Variants in BMPR1B observed in about 807,000 individuals in gnomAD.
BMPR1B encodes bone morphogenetic protein receptor type 1B, also known as bone morphogenetic protein receptor type-1B.
BMPR1B carries 12 observed loss-of-function variants against 59.1 expected under a neutral mutation model. That is an observed-to-expected ratio of 0.20 (90% CI 0.13 to 0.33). The LOEUF (loss-of-function observed/expected upper bound fraction) is 0.33, where lower values mean the gene tolerates loss of function less well. Ranked by LOEUF, BMPR1B falls within the 10% of genes least tolerant of loss-of-function variation. BMPR1B has a pLI of 1.00. For missense variants in BMPR1B, 550 were observed against 610.9 expected (o/e 0.90, Z 1.05); for synonymous variants, 237 against 207.3 (o/e 1.14, Z -1.23).
intron 1 of BMPR1B, among the ~76,000 whole-genome samples, chr4:94,781,169 G>T (rs932998828): frequency 2.0e-5 from 3 of 152,066 alleles, no homozygotes; most frequent in African/African-American, 7.2e-5. Context: ...TCAAGAAATT[G>T]AGTTATTTAT....
chr4:94,896,200 C>T lies in BMPR1B; in HGVS notation c.-113+20300C>T, dbSNP rs532939740. 2.2e-3 allele frequency among the ~76,000 whole-genome samples: 331 copies of T among 151,948 alleles called. 2 individuals carry two copies. Among genetic ancestry groups the T allele is most frequent in the African/African-American group, 7.7e-3 (321 of 41,482 alleles). On this transcript the variant is annotated intron_variant, in intron 2 of 12. Coordinates refer to ENST00000515059, the MANE Select transcript of BMPR1B (RefSeq NM_001203.3). ...TTTAGGAGTTTGAAAAAAGTTTATCCTCTTGTTGCTTTGTTGAAGTTGATG... is the reference window on the plus strand; with the variant it reads ...TTTAGGAGTTTGAAAAAAGTTTATCTTCTTGTTGCTTTGTTGAAGTTGATG...
At chr4:94,905,075 C>A (rs1727986544) in intron 2 of BMPR1B, among the ~76,000 whole-genome samples, 1 of 151,946 alleles carries the variant, frequency 6.6e-6, no homozygotes, top group Admixed American at 6.6e-5. Flanking sequence ...TCATTTAAGT[C>A]ATATTCTGTT....
chr4:95,093,820 A>G (rs1730176287), intron 3 of BMPR1B, among the ~76,000 whole-genome samples: 1 of 152,064 alleles, frequency 6.6e-6, no homozygotes, highest in Non-Finnish European at 1.5e-5. Flanking sequence ...TGGTTTCTAG[A>G]AAGAGCCAGC....
chr4:94,954,099 T>C (rs951364051), intron 2 of BMPR1B, among the ~76,000 whole-genome samples: 40 of 152,288 alleles, frequency 2.6e-4, no homozygotes, highest in African/African-American at 8.7e-4. Context: ...TGTGCTATGT[T>C]TTTCAGCTCC....
chr4:94,900,716 T>G (rs1727778242), intron 2 of BMPR1B, among the ~76,000 whole-genome samples: 1 of 152,042 alleles, frequency 6.6e-6, no homozygotes, highest in Admixed American at 6.6e-5. Context: ...GCAATTTGAT[T>G]ACTTTTTAGG....
intron 3 of BMPR1B, among the ~76,000 whole-genome samples, chr4:95,079,617 G>T (rs1728970434): frequency 6.6e-6 from 1 of 151,926 alleles, no homozygotes; most frequent in Non-Finnish European, 1.5e-5. Context: ...TCTCTAGCAT[G>T]TAAGAAAAAC....
intron 2 of BMPR1B, among the ~76,000 whole-genome samples, chr4:94,896,283 A>C (rs184006693): frequency 6.6e-6 from 1 of 152,140 alleles, no homozygotes; most frequent in East Asian, 1.9e-4. Context: ...CCAAGAGTAC[A>C]TTATTTTTGA....
intron 1 of BMPR1B, among the ~76,000 whole-genome samples, chr4:94,802,452 G>C (rs1326271025): frequency 1.3e-5 from 2 of 152,172 alleles, no homozygotes; most frequent in Non-Finnish European, 2.9e-5. Flanking sequence ...TCTTTGTCCA[G>C]GGAGGTCAAT....
intron 1 of BMPR1B, among the ~76,000 whole-genome samples, chr4:94,764,535 G>A (rs2110560260): frequency 6.6e-6 from 1 of 152,174 alleles, no homozygotes; most frequent in Admixed American, 6.5e-5. Flanking sequence ...AATTCCCTCA[G>A]CTTATCAGGA....
At chr4:94,989,464 T>C (rs974623091) in intron 2 of BMPR1B, among the ~76,000 whole-genome samples, 9 of 152,042 alleles carry the variant, frequency 5.9e-5, no homozygotes, top group African/African-American at 2.2e-4. Context: ...CAAGGAAGCA[T>C]TAAATTAAAG....
intron 2 of BMPR1B, among the ~76,000 whole-genome samples, chr4:94,918,958 T>G (rs1302230495): frequency 6.6e-6 from 1 of 152,168 alleles, no homozygotes; most frequent in African/African-American, 2.4e-5. Flanking sequence ...ATACAAAGTT[T>G]AAACATGTGT....
intron 2 of BMPR1B, among the ~76,000 whole-genome samples, chr4:94,922,036 G>A (rs1353576754): frequency 6.6e-6 from 1 of 152,084 alleles, no homozygotes; most frequent in Non-Finnish European, 1.5e-5. Flanking sequence ...CTGGAGTGCA[G>A]CAACACAATT....
At chr4:95,149,181 CTGTGTAT>C (rs1734858071) in intron 11 of BMPR1B, among the ~76,000 whole-genome samples, 1 of 152,164 alleles carries the variant, frequency 6.6e-6, no homozygotes, top group African/African-American at 2.4e-5. Flanking sequence ...GTTTTCTGCT[CTGTGTAT>C]TGTCTTATTT....
intron 11 of BMPR1B, 131 bp downstream of exon 11, chr4:95,149,054 C>A: frequency 8.5e-7 from 1 of 1,180,286 alleles, no homozygotes; most frequent in Non-Finnish European, 1.2e-6. Context: ...TCTGTTGATG[C>A]AGTCATAGTG....
At chr4:94,794,341 T>C (rs1039912435) in intron 1 of BMPR1B, among the ~76,000 whole-genome samples, 193 of 151,854 alleles carry the variant, frequency 1.3e-3, no homozygotes, top group African/African-American at 4.4e-3. Flanking sequence ...ATATGTGGCG[T>C]TATTTCTGAG....
At chr4:95,026,335 T>C (rs1273645591) in intron 3 of BMPR1B, among the ~76,000 whole-genome samples, 1 of 152,016 alleles carries the variant, frequency 6.6e-6, no homozygotes, top group Non-Finnish European at 1.5e-5. Flanking sequence ...CAGAAAGGTA[T>C]AGCCTTTATA....
At chr4:94,882,964 GTGCGTGTGTGTGTA>G (rs1210193323) in intron 2 of BMPR1B, among the ~76,000 whole-genome samples, 2 of 141,540 alleles carry the variant, frequency 1.4e-5, no homozygotes, top group African/African-American at 5.4e-5. Context: ...CTGTGTGTGT[GTGCGTGTGTGTGTA>G]TGTGTGTGTG....
intron 1 of BMPR1B, among the ~76,000 whole-genome samples, chr4:94,770,888 CAAAAAAA>C (rs11292596): frequency 2.3e-5 from 2 of 88,296 alleles, no homozygotes; most frequent in Non-Finnish European, 4.5e-5. Flanking sequence ...ATTAGCCCTG[CAAAAAAA>C]AAAAAAAAAA....
chr4:94,906,465 C>T (rs936698322), intron 2 of BMPR1B, among the ~76,000 whole-genome samples: 4 of 151,974 alleles, frequency 2.6e-5, no homozygotes, highest in Non-Finnish European at 5.9e-5. Context: ...AAAGTAAAAA[C>T]ATTTTATGAC....
Sources: allele counts gnomAD v4.1 joint callset (sites outside exome capture counted in the v4.1 genomes callset), GRCh38; gene constraint gnomAD v4.1.1; transcripts MANE v1.5; gene names NCBI Gene and HGNC (gene_info 2026-07-23, HGNC 2026-07-21).